The following SDK2 variants were observed in gnomAD, a reference collection of about 807,000 sequenced individuals.
SDK2 encodes protein sidekick-2.
A neutral mutation model predicts 253.9 loss-of-function variants in SDK2; 105 were observed. The ratio of observed to expected loss-of-function variants is 0.41; its 90% CI spans 0.35 to 0.49. SDK2 has a LOEUF of 0.49. Among genes scored for constraint, SDK2 ranks in the 20% least tolerant of loss-of-function variants. SDK2 has a pLI of 0.06. For missense variants in SDK2, 2,608 were observed against 3,003.0 expected, an observed-to-expected ratio of 0.87 and a Z score of 3.07; for synonymous variants, 1,249 against 1,234.9, an observed-to-expected ratio of 1.01 and a Z score of -0.24.
intron 1 of SDK2, among the ~76,000 whole-genome samples, chr17:73,561,301 G>A (rs2045229737): frequency 6.6e-6 from 1 of 152,194 alleles, no homozygotes; most frequent in African/African-American, 2.4e-5. Flanking sequence ...CCTCAGCCTG[G>A]CCTCAGCACA....
chr17:73,620,617 G>A (rs940464882), intron 1 of SDK2, among the ~76,000 whole-genome samples: 3 of 152,160 alleles, frequency 2.0e-5, no homozygotes, highest in Non-Finnish European at 4.4e-5. Context: ...AGGGGGAAAT[G>A]GCACAAAAGT....
rs141489873 is a variant in SDK2 at position 73,433,715 on chromosome 17, A to G, written c.1312+17T>C. The G allele has an allele frequency of 1.4e-3, 2,123 of 1,546,688 alleles. 28 individuals carry two copies. The African/African-American group carries it at 0.026, about 19-fold the overall frequency. On this transcript the variant is annotated intron_variant, in intron 10 of 44. Transcript: ENST00000392650. ...GCTATCACCCAGCCACACTCTCTGA[A>G]GGTGTGTTCCATCTACCTTTCTGCC...
At chr17:73,461,385 G>A (rs138709255) in intron 3 of SDK2, among the ~76,000 whole-genome samples, 1 of 152,368 alleles carries the variant, frequency 6.6e-6, no homozygotes, top group Non-Finnish European at 1.5e-5. Flanking sequence ...GTTTGGTGAT[G>A]TCTATGACAA....
chr17:73,524,709 C>G (rs1013916847), intron 1 of SDK2, among the ~76,000 whole-genome samples: 7 of 152,224 alleles, frequency 4.6e-5, no homozygotes, highest in African/African-American at 1.7e-4. Flanking sequence ...TAGATGAGAA[C>G]ACTGATGCTC....
intron 1 of SDK2, among the ~76,000 whole-genome samples, chr17:73,569,342 C>T (rs1190624863): frequency 1.3e-5 from 2 of 151,838 alleles, no homozygotes; most frequent in Non-Finnish European, 1.5e-5. Context: ...GGATTACGGG[C>T]GCACGCCACC....
rs112192916 is a variant in SDK2 at position 73,626,298 on chromosome 17, G to C, written c.64+17727C>G. 9.2e-5 allele frequency among the ~76,000 whole-genome samples: 14 copies of C among 151,984 alleles called. No individual in the cohort carries two copies. The East Asian group carries it at 1.5e-3, about 17-fold the overall frequency. On this transcript the variant is annotated intron_variant, in intron 1 of 44. Coordinates refer to ENST00000392650, the MANE Select transcript of SDK2 (RefSeq NM_001144952.2). ...TGAATGCGTTGGCCGGGGCTCGGGA[G>C]GGGGAGGACAGGGGCCAGTTGTCTT...
At chr17:73,632,491 G>A (rs1471987224) in intron 1 of SDK2, among the ~76,000 whole-genome samples, 1 of 152,106 alleles carries the variant, frequency 6.6e-6, no homozygotes, top group Admixed American at 6.5e-5. Context: ...TCAGACCTTT[G>A]GCCACAGACT....
At chr17:73,444,258 A>G (rs931764554) in intron 5 of SDK2, among the ~76,000 whole-genome samples, 1 of 152,142 alleles carries the variant, frequency 6.6e-6, no homozygotes. Flanking sequence ...GGCCTCAGGC[A>G]TTTCATGGCG....
intron 1 of SDK2, among the ~76,000 whole-genome samples, chr17:73,591,748 T>G (rs1364707773): frequency 6.6e-6 from 1 of 152,064 alleles, no homozygotes; most frequent in Admixed American, 6.6e-5. Flanking sequence ...GGAGACCTGG[T>G]CCCCATCCAG....
intron 1 of SDK2, among the ~76,000 whole-genome samples, chr17:73,617,605 G>A (rs1174091785): frequency 1.3e-5 from 2 of 152,120 alleles, no homozygotes; most frequent in African/African-American, 4.8e-5. Flanking sequence ...CGAAGGGGGC[G>A]TCCCAGCTAT....
intron 1 of SDK2, among the ~76,000 whole-genome samples, chr17:73,574,514 G>T (rs2045431796): frequency 6.6e-6 from 1 of 152,132 alleles, no homozygotes; most frequent in South Asian, 2.1e-4. Flanking sequence ...CCCAGTAGCT[G>T]CAACTTCAGG....
intron 33 of SDK2, 82 bp from the exon 34 acceptor site, chr17:73,381,032 C>A: frequency 1.2e-6 from 1 of 834,288 alleles, no homozygotes. Context: ...CCCCACCCCA[C>A]AAAGAAACCC....
intron 11 of SDK2, 119 bp from the exon 12 acceptor site, chr17:73,430,732 T>A (rs2063320396): frequency 1.6e-6 from 1 of 637,912 alleles, no homozygotes; most frequent in East Asian, 3.3e-5. Context: ...AGCTCCCTGG[T>A]ACTTTAATTC....
intron 1 of SDK2, among the ~76,000 whole-genome samples, chr17:73,619,153 C>T (rs560964282): frequency 5.4e-4 from 76 of 141,632 alleles, no homozygotes; most frequent in African/African-American, 1.9e-3. Context: ...GGCAACAGAG[C>T]GAGACCCTGT....
chr17:73,607,483 T>C (rs2045922215), intron 1 of SDK2, among the ~76,000 whole-genome samples: 1 of 151,758 alleles, frequency 6.6e-6, no homozygotes, highest in Non-Finnish European at 1.5e-5. Context: ...TTGCTGCCCC[T>C]GGGGAGCTCA....
intron 1 of SDK2, among the ~76,000 whole-genome samples, chr17:73,571,374 G>C (rs774789872): frequency 1.3e-5 from 2 of 152,118 alleles, no homozygotes; most frequent in African/African-American, 4.8e-5. Flanking sequence ...CTGATATTCA[G>C]TACTAGCAAC....
intron 1 of SDK2, among the ~76,000 whole-genome samples, chr17:73,628,067 C>T (rs1198261644): frequency 1.3e-5 from 2 of 152,150 alleles, no homozygotes; most frequent in Admixed American, 1.3e-4. Context: ...CAAAACAAAA[C>T]AAAACCAAAC....
At chr17:73,638,022 G>A (rs1225181867) in intron 1 of SDK2, among the ~76,000 whole-genome samples, 1 of 152,252 alleles carries the variant, frequency 6.6e-6, no homozygotes, top group Middle Eastern at 3.2e-3. Flanking sequence ...GGGAGCTGCT[G>A]GAGGGCGGGG....
At chr17:73,385,072 T>A (rs1165506027) in intron 32 of SDK2, among the ~76,000 whole-genome samples, 2 of 152,014 alleles carry the variant, frequency 1.3e-5, no homozygotes, top group Non-Finnish European at 2.9e-5. Flanking sequence ...CTTTGTGGAG[T>A]GGCAGATGGC....
Sources: allele counts gnomAD v4.1 joint callset (sites outside exome capture counted in the v4.1 genomes callset), GRCh38; gene constraint gnomAD v4.1.1; transcripts MANE v1.5; gene names NCBI Gene and HGNC (gene_info 2026-07-23, HGNC 2026-07-21).